The following FRMPD4 variants were observed in gnomAD, a reference collection of about 807,000 sequenced individuals.
FRMPD4 encodes FERM and PDZ domain-containing protein 4.
Under a neutral mutation model 94.1 loss-of-function variants are expected in FRMPD4, and 22 were observed. The observed-to-expected ratio is 0.23, with a 90% confidence interval of 0.17 to 0.33. The LOEUF (loss-of-function observed/expected upper bound fraction) is 0.33. FRMPD4 is among the 10% of genes least tolerant of loss of function. FRMPD4 has a pLI of 1.00. For synonymous variants in FRMPD4, 631 were observed against 548.6 expected (o/e 1.15, Z -2.10); for missense variants, 1,111 against 1,339.9 (o/e 0.83, Z 2.67).
chrX:12,514,450 G>A (rs57347396), intron 2 of FRMPD4, among the ~76,000 whole-genome samples: 7,704 of 111,329 alleles, frequency 0.069, 246 homozygotes, highest in East Asian at 0.12. Context: ...TTTATTGAAG[G>A]CCTTTTCCAC....
intron 2 of FRMPD4, among the ~76,000 whole-genome samples, chrX:11,867,945 A>G (rs939349112): frequency 8.9e-6 from 1 of 111,856 alleles, no homozygotes; most frequent in African/African-American, 3.3e-5. Flanking sequence ...CTTGGAGAGG[A>G]CTTCCCTACT....
chrX:12,583,556 C>A, intron 2 of FRMPD4: 1 of 822,208 alleles, frequency 1.2e-6, no homozygotes, highest in South Asian at 2.3e-5. Flanking sequence ...AAACCACGCT[C>A]CAGCGCAAGC....
intron 2 of FRMPD4, among the ~76,000 whole-genome samples, chrX:12,551,931 A>G (rs139514639): frequency 0.014 from 1,610 of 111,736 alleles, 25 homozygotes; most frequent in African/African-American, 0.05. Flanking sequence ...ACTCCCCCTC[A>G]TCAACTCTTT....
At chrX:12,503,202 A>T (rs2057943136) in intron 2 of FRMPD4, among the ~76,000 whole-genome samples, 1 of 111,735 alleles carries the variant, frequency 8.9e-6, no homozygotes, top group Admixed American at 9.5e-5. Context: ...GAGTCTGGGG[A>T]TAGAGATGGG....
chrX:12,667,621 C>G (rs2059793656), intron 4 of FRMPD4, among the ~76,000 whole-genome samples: 1 of 112,539 alleles, frequency 8.9e-6, no homozygotes, highest in Non-Finnish European at 1.9e-5. Context: ...ATACTGGAAA[C>G]TCTACCTCAT....
At chrX:12,498,965 A>C (rs2057886586) in intron 2 of FRMPD4, among the ~76,000 whole-genome samples, 169 bp downstream of exon 2, 1 of 110,426 alleles carries the variant, frequency 9.1e-6, no homozygotes, top group Non-Finnish European at 1.9e-5. Flanking sequence ...ATATTTATAT[A>C]TTTATTTCTA....
At chrX:12,374,038 A>G (rs778585911) in intron 1 of FRMPD4, among the ~76,000 whole-genome samples, 11 of 111,841 alleles carry the variant, frequency 9.8e-5, no homozygotes, top group Middle Eastern at 4.6e-3. Flanking sequence ...ATTTCCCCAA[A>G]GCCTTAAATT....
chrX:12,456,747 C>T (rs1232233698), intron 1 of FRMPD4, among the ~76,000 whole-genome samples: 2 of 113,074 alleles, frequency 1.8e-5, no homozygotes, highest in Non-Finnish European at 3.7e-5. Flanking sequence ...CAGGTTTAAA[C>T]TGCAGTAGAT....
intron 1 of FRMPD4, among the ~76,000 whole-genome samples, chrX:11,858,519 A>C (rs1007049499): frequency 9.0e-6 from 1 of 111,286 alleles, no homozygotes; most frequent in African/African-American, 3.3e-5. Context: ...ACATGGACAC[A>C]GAGGGGAACA....
At chrX:12,343,448 G>A (rs2055648475) in intron 1 of FRMPD4, among the ~76,000 whole-genome samples, 1 of 111,031 alleles carries the variant, frequency 9.0e-6, no homozygotes, top group East Asian at 2.8e-4. Context: ...TCAAGAAAGA[G>A]GTCAGGCCTA....
At chrX:12,042,469 C>T (rs963865857) in intron 3 of FRMPD4, among the ~76,000 whole-genome samples, 4 of 111,124 alleles carry the variant, frequency 3.6e-5, no homozygotes, top group African/African-American at 9.8e-5. Flanking sequence ...TTTTATCCTG[C>T]ATTATTTATA....
In FRMPD4 at chrX:12,123,129, T is replaced by C. The variant is rs989725657; in HGVS notation, c.95+245111T>C. ...CATAGCTTGATTTTCTTTTCTTTTT[T>C]TTTTTTTTTTTTGTTTGTTTGTTTT... On this transcript the variant is annotated intron_variant, in intron 3 of 18. Transcript: ENST00000640291. Among the ~76,000 whole-genome samples the C allele has an allele frequency of 1.4e-4, 15 of 106,771 alleles. No individual in the cohort carries two copies. The Admixed American group carries it at 1.5e-3, about 11-fold the overall frequency. The allele number at this position is 106,771 out of a possible 115,157, so 92.7% of individuals were successfully genotyped here. A position where few individuals can be genotyped will look rare whatever the true frequency, so the allele number is the denominator to read the frequency against.
intron 1 of FRMPD4, among the ~76,000 whole-genome samples, chrX:12,376,981 A>G (rs986558244): frequency 1.8e-5 from 2 of 111,978 alleles, no homozygotes; most frequent in African/African-American, 6.5e-5. Context: ...CTGCTCCCCT[A>G]GGGTCTCAGT....
At chrX:11,826,019 T>C (rs180992358) in intron 1 of FRMPD4, among the ~76,000 whole-genome samples, 1 of 112,581 alleles carries the variant, frequency 8.9e-6, no homozygotes, top group African/African-American at 3.2e-5. Context: ...CTGATCAATA[T>C]ATGTTTAAGC....
intron 2 of FRMPD4, among the ~76,000 whole-genome samples, chrX:12,520,268 C>A (rs2058147320): frequency 9.0e-6 from 1 of 111,674 alleles, no homozygotes; most frequent in South Asian, 3.7e-4. Flanking sequence ...GTAAAATAAG[C>A]CAGTTCCAAA....
At chrX:12,204,518 G>A (rs1173902109) in intron 1 of FRMPD4, among the ~76,000 whole-genome samples, 5 of 111,239 alleles carry the variant, frequency 4.5e-5, no homozygotes, top group African/African-American at 1.6e-4. Context: ...ACCAAGGTGC[G>A]GGCGCTGCAT....
chrX:12,338,358 C>T (rs1304729638), intron 1 of FRMPD4, among the ~76,000 whole-genome samples: 1 of 111,891 alleles, frequency 8.9e-6, no homozygotes, highest in Admixed American at 9.4e-5. Context: ...ATCTGCATTT[C>T]CCCACTATGA....
chrX:12,170,578 A>T (rs1435000132), intron 1 of FRMPD4, among the ~76,000 whole-genome samples: 3 of 112,370 alleles, frequency 2.7e-5, no homozygotes, highest in Non-Finnish European at 5.6e-5. Flanking sequence ...TATCAAGCTG[A>T]ATAGGTGACT....
At chrX:11,908,515 A>T (rs2053980089) in intron 3 of FRMPD4, among the ~76,000 whole-genome samples, 1 of 112,075 alleles carries the variant, frequency 8.9e-6, no homozygotes, top group Non-Finnish European at 1.9e-5. Flanking sequence ...TTGACTGGCG[A>T]CACTTGTGGG....
Sources: gnomAD v4.1 joint callset for allele counts (sites outside exome capture counted in the v4.1 genomes callset) on GRCh38, gnomAD v4.1.1 for gene constraint, MANE v1.5 for transcripts, NCBI Gene and HGNC (gene_info 2026-07-23, HGNC 2026-07-21) for gene names.